ATP2A3: variants seen among roughly 807,000 people sequenced by gnomAD.
ATP2A3 encodes the protein ATPase sarcoplasmic/endoplasmic reticulum Ca2+ transporting 3.
Under a neutral mutation model 106.8 loss-of-function variants are expected in ATP2A3, and 61 were observed. That is an observed-to-expected ratio of 0.57 (90% CI 0.46 to 0.71). The LOEUF is 0.71. Among genes scored for constraint, ATP2A3 ranks in the 30% least tolerant of loss-of-function variants. ATP2A3 has a pLI of 0.00. For missense variants in ATP2A3, 1,201 were observed against 1,423.5 expected (o/e 0.84, Z 2.52); for synonymous variants, 611 against 609.3 (o/e 1.00, Z -0.04).
intron 4 of ATP2A3, 29 bp downstream of exon 4, chr17:3,951,552 C>CCCCCCCGCCCCCCCCCCCA: frequency 7.3e-7 from 1 of 1,365,898 alleles, no homozygotes; most frequent in Non-Finnish European, 1.0e-6. Flanking sequence ...GACCGCCCCC[C>CCCCCCCGCCCCCCCCCCCA]GCCCGGTCCC....
At chr17:3,956,802 C>T (rs559377006) in intron 1 of ATP2A3, among the ~76,000 whole-genome samples, 1 of 152,266 alleles carries the variant, frequency 6.6e-6, no homozygotes, top group Admixed American at 6.5e-5. Context: ...TGACTGATAC[C>T]CCCTCCGCTG....
Position 3,930,548 on chromosome 17 carries a change from A to G in ATP2A3, c.2611-114T>C. 4 of 1,494,382 alleles carry G rather than the reference A, an allele frequency of 2.7e-6. No individual in the cohort carries two copies. In the South Asian group the frequency reaches 4.7e-5, roughly 18 times the overall value. The allele number at this position is 1,494,382 out of a possible 1,614,324, so 92.6% of individuals were successfully genotyped here. ...CCACGCCTGGGCACAACCAGCACAC[A>G]AAACACTGCCGTGGGGTGGGCTGGG... On this transcript the variant is annotated intron_variant, in intron 17 of 20. Coordinates refer to ENST00000397041, the MANE Select transcript of ATP2A3 (RefSeq NM_005173.4). The surrounding 1 kb of genome is among the most constrained non-coding windows in gnomAD (Gnocchi z 5.4).
chr17:3,947,733 G>A lies in ATP2A3; in HGVS notation c.753C>T (p.Arg251=), dbSNP rs1162951414. The change falls in exon 8 of 21, where the codon CGC becomes CGT. Residue 251 remains arginine (R), a synonymous_variant. Coordinates refer to ENST00000397041, the MANE Select transcript of ATP2A3 (RefSeq NM_005173.4). The surrounding 1 kb of genome is among the most constrained non-coding windows in gnomAD (Gnocchi z 7.7). ...GCTGCCGTCCAAACTCGTCCAGCTT[G>A]CGCTGCAGCGGCGTCCGCTCGGGCT... ...AVEPERTPLQ[R]KLDEFGRQLS... 1 of 1,609,400 alleles carries A rather than the reference G, an allele frequency of 6.2e-7. No individual in the cohort carries two copies. The highest frequency in any genetic ancestry group is 1.7e-5 in the Admixed American group (1 of 60,014).
chr17:3,957,295 G>A (rs2054838720), intron 1 of ATP2A3, among the ~76,000 whole-genome samples: 1 of 152,238 alleles, frequency 6.6e-6, no homozygotes, highest in Non-Finnish European at 1.5e-5. Context: ...GGGAGACAGG[G>A]AAGGGTTTTG....
At position 3,937,556 on chromosome 17, in the gene ATP2A3, G is replaced by C; in HGVS notation, c.2181C>G (p.Ala727=). 1 of 1,614,152 alleles carries C rather than the reference G, an allele frequency of 6.2e-7. No homozygotes were observed. Among genetic ancestry groups the C allele is most frequent in the Non-Finnish European group, 8.5e-7 (1 of 1,180,032 alleles). ...GIAMGSGTAV[A]KSAAEMVLSD... ...ACAGCACCATCTCTGCCGCCGACTTGGCCACGGCCGTGCCTGAGCCCATGG... is the reference window on the plus strand; with the variant it reads ...ACAGCACCATCTCTGCCGCCGACTTCGCCACGGCCGTGCCTGAGCCCATGG... Residue 727 remains alanine (A), a synonymous_variant, in exon 15 of 21, where the codon GCC becomes GCG. Transcript: ENST00000397041.
chr17:3,951,543 ACC>A, intron 4 of ATP2A3, 36 bp downstream of exon 4: 1 of 1,386,998 alleles, frequency 7.2e-7, no homozygotes, highest in Non-Finnish European at 9.9e-7. Context: ...TGGCTGGGAG[ACC>A]GCCCCCCGCC....
At chr17:3,959,552 T>G (rs868604168) in intron 1 of ATP2A3, among the ~76,000 whole-genome samples, 5 of 152,100 alleles carry the variant, frequency 3.3e-5, no homozygotes, top group Non-Finnish European at 7.4e-5. Flanking sequence ...GCTCCCCTCA[T>G]CCCCCCTCTA....
rs2054552521 is a variant in ATP2A3, at chr17:3,953,159, A to G, written c.219+188T>C. The G allele has an allele frequency of 1.0e-5, 7 of 667,138 alleles. No homozygotes were observed. The highest frequency in any genetic ancestry group is 1.8e-5 in the African/African-American group (1 of 55,874). 41.3% of individuals were successfully genotyped at this position (667,138 alleles called of 1,614,324 possible). A position where few individuals can be genotyped will look rare whatever the true frequency, so the allele number is the denominator to read the frequency against. Reference sequence around the variant, plus strand: ...GGGTCAGGTGGGAGCCGGGGACCCAATGTAGGGGCCATGAGGGTTCAGGCA... The same window carrying G: ...GGGTCAGGTGGGAGCCGGGGACCCAGTGTAGGGGCCATGAGGGTTCAGGCA... On this transcript the variant is annotated intron_variant, in intron 3 of 20. Transcript: ENST00000397041. This position sits in a 1 kb window ranked among gnomAD's most constrained non-coding sequence, Gnocchi z 5.1.
Position 3,953,565 on chromosome 17 carries a change from C to T in ATP2A3, c.136+128G>A. The T allele has an allele frequency of 4.0e-6, 6 of 1,491,114 alleles. No homozygotes were observed. Among genetic ancestry groups the T allele is most frequent in the Non-Finnish European group, 5.5e-6 (6 of 1,088,172 alleles). 92.4% of individuals were successfully genotyped at this position (1,491,114 alleles called of 1,614,324 possible). A position where few individuals can be genotyped will look rare whatever the true frequency, so the allele number is the denominator to read the frequency against. Reference sequence around the variant, plus strand: ...AGGGAGAACCCAGGTCGCTGAGAGGCTCAGGTGGGTGATCCTGGGGAGCTC... The same window carrying T: ...AGGGAGAACCCAGGTCGCTGAGAGGTTCAGGTGGGTGATCCTGGGGAGCTC... On this transcript the variant is annotated intron_variant, in intron 2 of 20. Coordinates refer to ENST00000397041, the MANE Select transcript of ATP2A3 (RefSeq NM_005173.4). The surrounding 1 kb of genome is among the most constrained non-coding windows in gnomAD (Gnocchi z 5.1).
intron 20 of ATP2A3, chr17:3,927,040 T>A: frequency 1.0e-6 from 1 of 985,460 alleles, no homozygotes; most frequent in Non-Finnish European, 1.2e-6. Flanking sequence ...ATGCTGAGTG[T>A]CAACATCTGT....
chr17:3,944,380 G>C (rs113512608), intron 10 of ATP2A3, among the ~76,000 whole-genome samples: 1 of 152,110 alleles, frequency 6.6e-6, no homozygotes, highest in Non-Finnish European at 1.5e-5. Flanking sequence ...TTAACTGAAC[G>C]TGGGCCTTTT....
In ATP2A3 at chr17:3,947,230, C is replaced by T. The variant is rs1281895663; in HGVS notation, c.1095+161G>A. 1.3e-5 allele frequency among the ~76,000 whole-genome samples: 2 copies of T among 152,228 alleles called. No individual in the cohort carries two copies. The highest frequency in any genetic ancestry group is 6.5e-5 in the Admixed American group (1 of 15,278). On this transcript the variant is annotated intron_variant, in intron 8 of 20. Coordinates refer to ENST00000397041, the MANE Select transcript of ATP2A3 (RefSeq NM_005173.4). This position sits in a 1 kb window ranked among gnomAD's most constrained non-coding sequence, Gnocchi z 7.7. The stretch of plus-strand genomic sequence containing the variant: ...CTACCCAGGCATGATTTGCTATAGT[C>T]TCCCTGTCATCTTGTGAAAACCTGG...
Position 3,937,496 on chromosome 17 carries a change from C to T in ATP2A3, c.2241G>A (p.Val747=). The change falls in exon 15 of 21, where the codon GTG becomes GTA. Residue 747 remains valine (V), a synonymous_variant. Transcript: ENST00000397041. ...DDNFASIVAA[V]EEGRAIYSNM... Reference sequence around the variant, plus strand: ...TGCTGTAGATGGCCCGGCCCTCCTCCACCGCAGCCACGATGGAGGCAAAGT... The same window carrying T: ...TGCTGTAGATGGCCCGGCCCTCCTCTACCGCAGCCACGATGGAGGCAAAGT... 1 of 1,614,164 alleles carries T rather than the reference C, an allele frequency of 6.2e-7. No homozygotes were observed. Among genetic ancestry groups the T allele is most frequent in the Non-Finnish European group, 8.5e-7 (1 of 1,180,024 alleles).
chr17:3,940,940 C>A (rs764036655), intron 14 of ATP2A3, 31 bp downstream of exon 14: 40 of 1,612,690 alleles, frequency 2.5e-5, no homozygotes, highest in Non-Finnish European at 3.1e-5. Flanking sequence ...CACTCATCAC[C>A]CCCTCCTGGG....
Position 3,953,825 on chromosome 17 carries a change from C to A in ATP2A3, c.119-115G>T, listed in dbSNP as rs1036746447. 2.6e-6 allele frequency: 3 copies of A among 1,147,428 alleles called. No homozygotes were observed. Among genetic ancestry groups the A allele is most frequent in the Non-Finnish European group, 3.8e-6 (3 of 781,028 alleles). The allele number at this position is 1,147,428 out of a possible 1,614,324, so 71.1% of individuals were successfully genotyped here. A position where few individuals can be genotyped will look rare whatever the true frequency, so the allele number is the denominator to read the frequency against. ...CCACCGTGCCCGCCCAGACCCCCAC[C>A]ACGGACTGGATGTATCCCCAGGGCT... On this transcript the variant is annotated intron_variant, in intron 1 of 20. Coordinates refer to ENST00000397041, the MANE Select transcript of ATP2A3 (RefSeq NM_005173.4). This position sits in a 1 kb window ranked among gnomAD's most constrained non-coding sequence, Gnocchi z 5.1.
chr17:3,954,199 C>T (rs930781268), intron 1 of ATP2A3, among the ~76,000 whole-genome samples: 3 of 152,158 alleles, frequency 2.0e-5, no homozygotes, highest in African/African-American at 7.2e-5. Context: ...AGCTCAGGCG[C>T]CTTCCGCTCA....
chr17:3,953,203 G>T lies in ATP2A3; in HGVS notation c.219+144C>A. The T allele has an allele frequency of 1.1e-6, 1 of 929,952 alleles. No individual in the cohort carries two copies. The allele number at this position is 929,952 out of a possible 1,614,324, so 57.6% of individuals were successfully genotyped here. On this transcript the variant is annotated intron_variant, in intron 3 of 20. Coordinates refer to ENST00000397041, the MANE Select transcript of ATP2A3 (RefSeq NM_005173.4). This position sits in a 1 kb window ranked among gnomAD's most constrained non-coding sequence, Gnocchi z 5.1. ...TCAGGCAAGGGAAGCTGAAGTCTGAGCAGGGCAGGGCCAGGGAAGGCCAGG... is the reference window on the plus strand; with the variant it reads ...TCAGGCAAGGGAAGCTGAAGTCTGATCAGGGCAGGGCCAGGGAAGGCCAGG...
chr17:3,964,175 G>T lies in ATP2A3; in HGVS notation c.117C>A (p.Asn39Lys). 1 of 1,200,824 alleles carries T rather than the reference G, an allele frequency of 8.3e-7. No individual in the cohort carries two copies. Among genetic ancestry groups the T allele is most frequent in the Non-Finnish European group, 1.0e-6 (1 of 960,092 alleles). 74.4% of individuals were successfully genotyped at this position (1,200,824 alleles called of 1,614,324 possible). ...GCCCGGCCCGGCCCGCGCGCTCACCGTTGGGGCCGTAGCGCTCCCGCGCGC... is the reference window on the plus strand; with the variant it reads ...GCCCGGCCCGGCCCGCGCGCTCACCTTTGGGGCCGTAGCGCTCCCGCGCGC... The part of the protein sequence containing the change: ...VTGARERYGP[N>K]ELPSEEGKSL... Residue 39 changes from asparagine to lysine, a missense_variant and splice_region_variant, in exon 1 of 21, where the codon AAC becomes AAA. Asn to Lys is a moderately conservative substitution (Grantham distance 94, BLOSUM62 0). Around this residue, in one of 2 missense-constraint regions of ATP2A3, gnomAD observed 266 missense variants for 246.8 expected, o/e 1.08. Transcript: ENST00000397041.
At chr17:3,940,895 G>T in intron 14 of ATP2A3, 76 bp downstream of exon 14, 2 of 1,511,466 alleles carry the variant, frequency 1.3e-6, no homozygotes, top group Non-Finnish European at 9.2e-7. Flanking sequence ...AGAGGGGAGA[G>T]TTGCACGGCT....
Sources: gnomAD v4.1 joint callset for allele counts (sites outside exome capture counted in the v4.1 genomes callset) on GRCh38, gnomAD v4.1.1 for gene constraint, gnomAD v4.1.1 regional missense constraint, Gnocchi (gnomAD v3.1) non-coding constraint, MANE v1.5 for transcripts, NCBI Gene and HGNC (gene_info 2026-07-23, HGNC 2026-07-21) for gene names.